TJP1: variants seen among roughly 807,000 people sequenced by gnomAD.
TJP1 encodes the protein tight junction protein 1, also known as tight junction protein ZO-1.
In TJP1, 43 loss-of-function variants were observed where a neutral mutation model predicts 194.2. The observed-to-expected ratio is 0.22, with a 90% confidence interval of 0.17 to 0.29. The LOEUF (loss-of-function observed/expected upper bound fraction) is 0.29, where lower values mean the gene tolerates loss of function less well. Ranked by LOEUF, TJP1 falls within the 10% of genes least tolerant of loss-of-function variation. The pLI is 1.00. For missense variants in TJP1, 1,971 were observed against 2,185.7 expected (o/e 0.90, Z 1.96); for synonymous variants, 801 against 779.0 (o/e 1.03, Z -0.47).
chr15:29,941,966 A>G (rs1333291817), intron 2 of TJP1, among the ~76,000 whole-genome samples: 1 of 152,194 alleles, frequency 6.6e-6, no homozygotes, highest in East Asian at 1.9e-4. Context: ...AATGGGGAGG[A>G]GAGGTGGCTG....
chr15:29,946,792 A>G (rs4779462), intron 2 of TJP1, among the ~76,000 whole-genome samples: 68,225 of 152,024 alleles, frequency 0.45, 15,952 homozygotes, highest in East Asian at 0.8. Context: ...CAGGTATTAT[A>G]AAGCAATCTA....
intron 2 of TJP1, among the ~76,000 whole-genome samples, chr15:29,881,295 T>C (rs938546801): frequency 7.9e-5 from 12 of 152,232 alleles, no homozygotes; most frequent in African/African-American, 2.9e-4. Context: ...ATTGGGTTAT[T>C]TGTATTTTTC....
At chr15:29,908,305 T>C (rs1370850375) in intron 2 of TJP1, among the ~76,000 whole-genome samples, 1 of 151,968 alleles carries the variant, frequency 6.6e-6, no homozygotes, top group Non-Finnish European at 1.5e-5. Context: ...GACAGAAGAC[T>C]TGAGAAAGTG....
intron 1 of TJP1, among the ~76,000 whole-genome samples, chr15:29,963,800 C>G (rs957307992): frequency 6.6e-6 from 1 of 152,084 alleles, no homozygotes; most frequent in African/African-American, 2.4e-5. Context: ...ACTACAGGTA[C>G]GCGCCATCAC....
chr15:29,953,794 T>C (rs977140744), intron 2 of TJP1, among the ~76,000 whole-genome samples: 11 of 152,134 alleles, frequency 7.2e-5, no homozygotes, highest in African/African-American at 2.7e-4. Flanking sequence ...TTGCAGAAAT[T>C]AGACTTCATT....
chr15:29,884,126 G>A lies in TJP1; in HGVS notation c.306+72106C>T, dbSNP rs139657482. Reference sequence around the variant, plus strand: ...CTTTTCCTCCTATATTATGCAGCATGTGGTCATAATTTGTACTTGTTGCTG... The same window carrying A: ...CTTTTCCTCCTATATTATGCAGCATATGGTCATAATTTGTACTTGTTGCTG... On this transcript the variant is annotated intron_variant, in intron 2 of 28. Coordinates refer to the TJP1 transcript ENST00000356107. 1.4e-4 allele frequency among the ~76,000 whole-genome samples: 22 copies of A among 152,330 alleles called. No homozygotes were observed. The East Asian group carries it at 4.2e-3, about 29-fold the overall frequency.
At position 29,849,745 on chromosome 15, in the gene TJP1, C is replaced by CAA. The variant is rs564053758; in HGVS notation, c.307-49045_307-49044dup. ...CTGGGCAACAGAGAGGACTCCGTCT[C>CAA]AAAAAAAAAAAAAAAAGAGACAAGG... On this transcript the variant is annotated intron_variant, in intron 2 of 28. Transcript: ENST00000356107. Among the ~76,000 whole-genome samples, 909 of 106,634 alleles carry CAA rather than the reference C, an allele frequency of 8.5e-3. 2 individuals are homozygous for CAA. The highest frequency in any genetic ancestry group is 0.013 in the Non-Finnish European group (645 of 50,662). 70.0% of individuals were successfully genotyped at this position (106,634 alleles called of 152,430 possible).
chr15:29,917,235 T>C (rs2152240428), intron 2 of TJP1, among the ~76,000 whole-genome samples: 1 of 152,342 alleles, frequency 6.6e-6, no homozygotes, highest in Middle Eastern at 3.4e-3. Context: ...GCTGCACTGA[T>C]GTGTACAATA....
At chr15:29,800,462 A>T in intron 2 of TJP1, 184 bp downstream of exon 2, 1 of 597,578 alleles carries the variant, frequency 1.7e-6, no homozygotes, top group Non-Finnish European at 2.9e-6. Flanking sequence ...AGGATATATG[A>T]AAAAGTAATC....
At chr15:29,730,547 T>C (rs2043561690) in intron 15 of TJP1, among the ~76,000 whole-genome samples, 1 of 150,326 alleles carries the variant, frequency 6.7e-6, no homozygotes, top group Non-Finnish European at 1.5e-5. Context: ...CAGTGAGCAA[T>C]GATCTAACCA....
At chr15:29,847,950 A>G (rs1337687235) in intron 2 of TJP1, among the ~76,000 whole-genome samples, 3 of 152,056 alleles carry the variant, frequency 2.0e-5, no homozygotes, top group Admixed American at 1.3e-4. Flanking sequence ...TCTTTGAGAA[A>G]ACTTTCTCTT....
At chr15:29,741,840 G>A (rs1432356301) in intron 9 of TJP1, among the ~76,000 whole-genome samples, 2 of 152,148 alleles carry the variant, frequency 1.3e-5, no homozygotes, top group African/African-American at 2.4e-5. Flanking sequence ...AAAAGGAAGT[G>A]AAAGACATCA....
chr15:29,762,151 G>A (rs2046046663), intron 6 of TJP1, among the ~76,000 whole-genome samples, 184 bp downstream of exon 6: 1 of 152,174 alleles, frequency 6.6e-6, no homozygotes, highest in South Asian at 2.1e-4. Flanking sequence ...GGATGACCCT[G>A]TGATACCTAA....
At chr15:29,919,795 G>T (rs1449858135) in intron 2 of TJP1, among the ~76,000 whole-genome samples, 1 of 152,180 alleles carries the variant, frequency 6.6e-6, no homozygotes. Context: ...ATTTCTTCTG[G>T]ACCCTCTGGG....
chr15:29,814,700 T>C (rs530957147), intron 1 of TJP1, among the ~76,000 whole-genome samples: 180 of 152,342 alleles, frequency 1.2e-3, no homozygotes, highest in Non-Finnish European at 2.2e-3. Flanking sequence ...GCTAATCTTA[T>C]GTTCCTAATT....
At chr15:29,968,046 C>T (rs1241698184) in intron 1 of TJP1, 1 of 983,454 alleles carries the variant, frequency 1.0e-6, no homozygotes, top group Non-Finnish European at 1.2e-6. Flanking sequence ...TAATCAGCAA[C>T]GTAAACCAGT....
intron 12 of TJP1, 136 bp downstream of exon 12, chr15:29,734,138 C>T: frequency 1.7e-6 from 1 of 603,458 alleles, no homozygotes; most frequent in Admixed American, 3.5e-5. Context: ...CTTAGAATTA[C>T]ATAACTTTCT....
At chr15:29,828,134 A>C (rs182400066) in intron 2 of TJP1, among the ~76,000 whole-genome samples, 1 of 152,210 alleles carries the variant, frequency 6.6e-6, no homozygotes, top group Admixed American at 6.5e-5. Context: ...CTTTCTGTAT[A>C]TTTATTTACG....
Position 29,742,661 on chromosome 15 carries a change from T to A in TJP1, c.1131A>T (p.Lys377Asn). The change falls in exon 9 of 28, where the codon AAA becomes AAT. Residue 377 changes from lysine to asparagine, a missense_variant. Transcript: ENST00000614355. ...VEEVTVERNE[K>N]QTPSLPEPKP... The stretch of plus-strand genomic sequence containing the variant: ...GCTTACCTGGAAGAGAAGGTGTTTG[T>A]TTCTCATTTCTTTCAACTGTAACTT... 1 of 1,584,024 alleles carries A rather than the reference T, an allele frequency of 6.3e-7. No homozygotes were observed. Among genetic ancestry groups the A allele is most frequent in the South Asian group, 1.2e-5 (1 of 84,774 alleles).
Sources: allele counts gnomAD v4.1 joint callset (sites outside exome capture counted in the v4.1 genomes callset), GRCh38; gene constraint gnomAD v4.1.1; transcripts MANE v1.5; gene names NCBI Gene and HGNC (gene_info 2026-07-23, HGNC 2026-07-21).